The following SHC4 variants were observed in gnomAD, a reference collection of about 807,000 sequenced individuals.
The protein encoded by SHC4 is SHC adaptor protein 4.
Under a neutral mutation model 69.4 loss-of-function variants are expected in SHC4, and 41 were observed. The ratio of observed to expected loss-of-function variants is 0.59; its 90% CI spans 0.46 to 0.77. SHC4 has a LOEUF of 0.77. Among genes scored for constraint, SHC4 ranks in the 30% least tolerant of loss-of-function variants. SHC4 has a pLI of 0.00. For missense variants in SHC4, 777 were observed against 783.8 expected, an observed-to-expected ratio of 0.99 and a Z score of 0.10; for synonymous variants, 318 against 299.3, an observed-to-expected ratio of 1.06 and a Z score of -0.64.
intron 10 of SHC4, among the ~76,000 whole-genome samples, chr15:48,835,337 T>A (rs910772751): frequency 2.0e-5 from 3 of 152,204 alleles, no homozygotes; most frequent in African/African-American, 7.2e-5. Context: ...AGGCTCTTTA[T>A]GTCCTAGGGG....
intron 1 of SHC4, among the ~76,000 whole-genome samples, chr15:48,932,763 C>A (rs774216191): frequency 6.6e-6 from 1 of 152,124 alleles, no homozygotes; most frequent in Non-Finnish European, 1.5e-5. Flanking sequence ...TTCTAGCAGA[C>A]CTTTAATAAA....
At chr15:48,848,878 A>T (rs1899148307) in intron 9 of SHC4, among the ~76,000 whole-genome samples, 1 of 152,166 alleles carries the variant, frequency 6.6e-6, no homozygotes, top group Non-Finnish European at 1.5e-5. Flanking sequence ...AAAAAGAAGA[A>T]GGGAAACCAT....
intron 2 of SHC4, among the ~76,000 whole-genome samples, chr15:48,893,855 G>A (rs1246854519): frequency 1.3e-5 from 2 of 152,194 alleles, no homozygotes; most frequent in South Asian, 2.1e-4. Flanking sequence ...GCACATACTT[G>A]TAGTCCCAGC....
chr15:48,944,559 A>G (rs1901239240), intron 1 of SHC4, among the ~76,000 whole-genome samples: 1 of 152,212 alleles, frequency 6.6e-6, no homozygotes, highest in Non-Finnish European at 1.5e-5. Flanking sequence ...ATGGCCAAAC[A>G]GAAAGCTGGA....
chr15:48,890,581 A>C, intron 3 of SHC4, among the ~76,000 whole-genome samples, 167 bp downstream of exon 3: 1 of 152,170 alleles, frequency 6.6e-6, no homozygotes, highest in East Asian at 1.9e-4. Flanking sequence ...GGCAACTCGG[A>C]AAGATTTGAG....
rs1226643889 is a variant in SHC4, at chr15:48,962,921, C to A, written c.95G>T (p.Arg32Leu). The change falls in exon 1 of 12, where the codon CGC (arginine) becomes CTC (leucine). Residue 32 changes from arginine to leucine, a missense_variant. Physicochemically the swap from Arg to Leu is moderately radical, Grantham distance 102 (BLOSUM62 -2). Coordinates refer to ENST00000332408, the MANE Select transcript of SHC4 (RefSeq NM_203349.4). ...PGMLHRAKYS[R>L]FRNESITSLD... ...GGACGTGATCGACTCGTTCCGAAAG[C>A]GGCTGTACTTGGCCCTGTGCAGCAT... The A allele has an allele frequency of 1.9e-6, 3 of 1,613,174 alleles. No individual in the cohort carries two copies. In the African/African-American group the frequency reaches 4.0e-5, roughly 22 times the overall value.
chr15:48,859,311 G>C (rs1899391028), intron 6 of SHC4, among the ~76,000 whole-genome samples: 1 of 109,136 alleles, frequency 9.2e-6, no homozygotes, highest in Non-Finnish European at 1.8e-5. Context: ...AAAGGGGTGT[G>C]TGTGTGTGTG....
At chr15:48,938,073 C>G (rs1901106510) in intron 1 of SHC4, among the ~76,000 whole-genome samples, 1 of 152,134 alleles carries the variant, frequency 6.6e-6, no homozygotes, top group African/African-American at 2.4e-5. Flanking sequence ...AGGCCTAATC[C>G]TAGGAAACCA....
chr15:48,933,599 A>C (rs117070109), intron 1 of SHC4, among the ~76,000 whole-genome samples: 2,435 of 152,270 alleles, frequency 0.016, 30 homozygotes, highest in Non-Finnish European at 0.026. Context: ...TCTAACTTCA[A>C]ATTCATGTGT....
rs914976714 is a variant in SHC4 at position 48,963,562 on chromosome 15, A to G, written c.-547T>C. 1.3e-5 allele frequency: 2 copies of G among 152,858 alleles called. No individual in the cohort carries two copies. Among genetic ancestry groups the G allele is most frequent in the Non-Finnish European group, 2.9e-5 (2 of 68,556 alleles). The allele number at this position is 152,858 out of a possible 1,614,324, so 9.5% of individuals were successfully genotyped here. A position where few individuals can be genotyped will look rare whatever the true frequency, so the allele number is the denominator to read the frequency against. On this transcript the variant is annotated 5_prime_UTR_variant, in exon 1 of 12. Transcript: ENST00000332408. The stretch of plus-strand genomic sequence containing the variant: ...TCATTTAAAAAGGAAAAAAAAATGT[A>G]TCTATGAACCAAAGGCCCTTTTGCC...
chr15:48,885,801 C>T (rs1454205557), intron 3 of SHC4, among the ~76,000 whole-genome samples: 3 of 152,192 alleles, frequency 2.0e-5, no homozygotes, highest in Non-Finnish European at 1.5e-5. Context: ...ACAGCTATCA[C>T]CACATCATAA....
Position 48,826,595 on chromosome 15 carries a change from A to G in SHC4, c.1738-469T>C, listed in dbSNP as rs376956110. On this transcript the variant is annotated intron_variant, in intron 11 of 11. Coordinates refer to ENST00000332408, the MANE Select transcript of SHC4 (RefSeq NM_203349.4). The stretch of plus-strand genomic sequence containing the variant: ...TTACCATTTTAAAGCAACCATTCCC[A>G]TAAGTTAGGAAAATGGTAGGCACTT... Among the ~76,000 whole-genome samples, 7 of 152,262 alleles carry G rather than the reference A, an allele frequency of 4.6e-5. No individual in the cohort carries two copies. The East Asian group carries it at 1.4e-3, about 29-fold the overall frequency.
At chr15:48,877,109 G>T (rs1899818970) in intron 4 of SHC4, 2 of 152,518 alleles carry the variant, frequency 1.3e-5, no homozygotes, top group Admixed American at 6.5e-5. Context: ...TGCCACAAAA[G>T]TACTGAAAAG....
intron 2 of SHC4, among the ~76,000 whole-genome samples, chr15:48,908,715 G>A (rs1306255220): frequency 6.6e-6 from 1 of 152,168 alleles, no homozygotes; most frequent in Non-Finnish European, 1.5e-5. Context: ...TCCATCTTGA[G>A]TTGATTTTTG....
At chr15:48,848,946 T>G (rs1899149248) in intron 9 of SHC4, among the ~76,000 whole-genome samples, 2 of 152,086 alleles carry the variant, frequency 1.3e-5, no homozygotes, top group South Asian at 4.1e-4. Context: ...ATTCTAGAAA[T>G]GTCCATTTCT....
chr15:48,893,425 A>G lies in SHC4; in HGVS notation c.657-2614T>C, dbSNP rs28380575. 5.9e-3 allele frequency among the ~76,000 whole-genome samples: 900 copies of G among 152,364 alleles called. 9 individuals carry two copies. Among genetic ancestry groups the G allele is most frequent in the African/African-American group, 0.021 (861 of 41,602 alleles). Reference sequence around the variant, plus strand: ...TCTTTTGCAAGTACTCAACTCTGCCATTGTAGCACAAAAAGCAGCCTTAGC... The same window carrying G: ...TCTTTTGCAAGTACTCAACTCTGCCGTTGTAGCACAAAAAGCAGCCTTAGC... On this transcript the variant is annotated intron_variant, in intron 2 of 11. Transcript: ENST00000332408.
chr15:48,930,792 C>T (rs1184038285), intron 1 of SHC4, among the ~76,000 whole-genome samples: 1 of 152,190 alleles, frequency 6.6e-6, no homozygotes, highest in African/African-American at 2.4e-5. Context: ...TTTCTGCCAC[C>T]TTTAAATAAT....
intron 8 of SHC4, among the ~76,000 whole-genome samples, chr15:48,851,535 G>T (rs1899214652): frequency 6.6e-6 from 1 of 152,074 alleles, no homozygotes; most frequent in Non-Finnish European, 1.5e-5. Flanking sequence ...GAAGTCACAT[G>T]CCAGAACTCA....
At position 48,962,548 on chromosome 15, in the gene SHC4, G is replaced by T. The variant is rs201906816; in HGVS notation, c.468C>A (p.Thr156=). The change falls in exon 1 of 12, where the codon ACC becomes ACA. Residue 156 remains threonine, a synonymous_variant. Transcript: ENST00000332408. The part of the protein sequence containing the change: ...PQQDLVGHRA[T]ALTPDSCPLP... ...GCGGGCACGAATCAGGGGTTAGGGC[G>T]GTTGCCCTGTGTCCCACCAGGTCCT... is the stretch of plus-strand genomic sequence containing the variant. The T allele has an allele frequency of 7.0e-5, 113 of 1,608,224 alleles. No individual in the cohort carries two copies. Among genetic ancestry groups the T allele is most frequent in the Admixed American group, 1.0e-4 (6 of 59,580 alleles).
Sources: allele counts gnomAD v4.1 joint callset (sites outside exome capture counted in the v4.1 genomes callset), GRCh38; gene constraint gnomAD v4.1.1; transcripts MANE v1.5; gene names NCBI Gene and HGNC (gene_info 2026-07-23, HGNC 2026-07-21).